The following CCL26 variants were observed in gnomAD, a reference collection of about 807,000 sequenced individuals.
The protein encoded by CCL26 is C-C motif chemokine ligand 26, also known as C-C motif chemokine 26.
CCL26 carries 10 observed loss-of-function variants against 10.7 expected under a neutral mutation model. That is an observed-to-expected ratio of 0.93 (90% CI 0.57 to 1.58). The LOEUF (loss-of-function observed/expected upper bound fraction) is 1.58. Among genes scored for constraint, CCL26 ranks in the 40% most tolerant of loss-of-function variants. The pLI, the probability that CCL26 is intolerant of heterozygous loss-of-function variation, is 0.00. For missense variants in CCL26, 116 were observed against 111.0 expected (o/e 1.05, Z -0.20); for synonymous variants, 43 against 41.4 (o/e 1.04, Z -0.15).
chr7:75,769,698 AT>A lies in CCL26; in HGVS notation c.279del (p.Gln93HisfsTer54), dbSNP rs1410601222. On this transcript the variant is annotated frameshift_variant, in exon 3 of 3. Transcript: ENST00000005180. LOFTEE classifies it high-confidence loss of function. Reference sequence around the variant, plus strand: ...CGGATGAAAATTCAGCTGAGTCACAATTGTTTCGGAGTTTTCAGTAAAGAAA... The same window carrying A: ...CGGATGAAAATTCAGCTGAGTCACAATGTTTCGGAGTTTTCAGTAAAGAAA... ...KYISLLKTPK[Q>X]L 4.4e-6 allele frequency: 7 copies of A among 1,605,750 alleles called. No homozygotes were observed. The highest frequency in any genetic ancestry group is 6.0e-6 in the Non-Finnish European group (7 of 1,172,498).
chr7:75,779,735 C>T (rs781787429), intron 1 of CCL26, among the ~76,000 whole-genome samples: 3 of 152,242 alleles, frequency 2.0e-5, no homozygotes, highest in Admixed American at 1.3e-4. Context: ...ACCGCAGTGA[C>T]GCCTGCCTTG....
rs1554528160 is a variant in CCL26 at position 75,772,006 on chromosome 7, A to T, written c.74-3T>A. 15 of 1,611,216 alleles carry T rather than the reference A, an allele frequency of 9.3e-6. No homozygotes were observed. In the South Asian group the frequency reaches 1.6e-4, roughly 18 times the overall value. ...GGTCTTGGATATGTCACTCCCACCT[A>T]AAAATCAGGGAGAGGAAGGGTTTGG... On this transcript the variant is annotated splice_polypyrimidine_tract_variant and splice_region_variant and intron_variant, in intron 1 of 2. Transcript: ENST00000005180.
intron 1 of CCL26, among the ~76,000 whole-genome samples, chr7:75,789,235 G>A (rs1043481989): frequency 3.3e-5 from 5 of 151,308 alleles, no homozygotes; most frequent in East Asian, 1.9e-4. Context: ...GCCAGCCACC[G>A]TGCCTGGCCT....
upstream of CCL26, among the ~76,000 whole-genome samples, chr7:75,773,403 G>T (rs1233095415): frequency 6.0e-5 from 9 of 150,062 alleles, no homozygotes; most frequent in South Asian, 6.4e-4. Flanking sequence ...CAGCCTGGGC[G>T]ACAGACCAAG....
intron 1 of CCL26, among the ~76,000 whole-genome samples, chr7:75,783,336 G>A (rs981787102): frequency 4.6e-5 from 7 of 152,054 alleles, no homozygotes; most frequent in East Asian, 1.9e-4. Context: ...GATAACCGCC[G>A]GCTTCACGAG....
intron 1 of CCL26, among the ~76,000 whole-genome samples, chr7:75,778,156 C>T (rs1364978306): frequency 6.6e-6 from 1 of 152,188 alleles, no homozygotes; most frequent in Admixed American, 6.5e-5. Context: ...AATTTACATT[C>T]CCACCAACAG....
chr7:75,785,154 C>G (rs1466017544), intron 1 of CCL26, among the ~76,000 whole-genome samples: 1 of 152,110 alleles, frequency 6.6e-6, no homozygotes, highest in African/African-American at 2.4e-5. Context: ...CCACAACTCA[C>G]TATTTTGTTC....
intron 1 of CCL26, among the ~76,000 whole-genome samples, chr7:75,787,883 T>A (rs937986069): frequency 1.3e-5 from 2 of 152,038 alleles, no homozygotes; most frequent in Non-Finnish European, 2.9e-5. Context: ...GTCTTTCGTT[T>A]AGTTTCTCAA....
chr7:75,770,458 C>G (rs1412111293), intron 2 of CCL26, among the ~76,000 whole-genome samples: 4 of 148,254 alleles, frequency 2.7e-5, no homozygotes, highest in African/African-American at 7.5e-5. Context: ...CTCGGCTCAC[C>G]ACAACCTCTG....
intron 1 of CCL26, among the ~76,000 whole-genome samples, chr7:75,783,863 C>T (rs1279956878): frequency 6.6e-6 from 1 of 152,026 alleles, no homozygotes; most frequent in Non-Finnish European, 1.5e-5. Context: ...AGCAGCAACT[C>T]TGAGATGCTT....
At chr7:75,787,350 G>A (rs1803217404) in intron 1 of CCL26, among the ~76,000 whole-genome samples, 1 of 152,014 alleles carries the variant, frequency 6.6e-6, no homozygotes, top group Non-Finnish European at 1.5e-5. Context: ...GTTTTTTAAA[G>A]ACACACCTCA....
At chr7:75,785,519 C>T (rs1255268377) in intron 1 of CCL26, among the ~76,000 whole-genome samples, 5 of 152,282 alleles carry the variant, frequency 3.3e-5, no homozygotes, top group South Asian at 4.1e-4. Context: ...TTACCTACCT[C>T]GGCATAATTC....
intron 1 of CCL26, among the ~76,000 whole-genome samples, chr7:75,780,174 C>A (rs1400942230): frequency 6.7e-6 from 1 of 148,910 alleles, no homozygotes; most frequent in Non-Finnish European, 1.5e-5. Flanking sequence ...CTTCCCACCC[C>A]TTTTTCCACT....
chr7:75,777,389 A>G (rs1334149462), intron 1 of CCL26, among the ~76,000 whole-genome samples: 3 of 152,184 alleles, frequency 2.0e-5, no homozygotes, highest in African/African-American at 4.8e-5. Context: ...ACATAATACA[A>G]TACTATTCCG....
In CCL26 at chr7:75,769,564, C is replaced by T. The variant is rs1042850832; in HGVS notation, c.*129G>A. 4 of 592,314 alleles carry T rather than the reference C, an allele frequency of 6.8e-6. No homozygotes were observed. In the Admixed American group the frequency reaches 8.9e-5, roughly 13 times the overall value. 36.7% of individuals were successfully genotyped at this position (592,314 alleles called of 1,614,324 possible). On this transcript the variant is annotated 3_prime_UTR_variant, in exon 3 of 3. Coordinates refer to ENST00000005180, the MANE Select transcript of CCL26 (RefSeq NM_001371938.1). ...CTATGAACAACCTTTATTAAAGTAA[C>T]TCTGGGAGGAAACACCCTCTCCTCC... is the stretch of plus-strand genomic sequence containing the variant.
At chr7:75,780,395 T>C (rs1291481125) in intron 1 of CCL26, among the ~76,000 whole-genome samples, 8 of 152,112 alleles carry the variant, frequency 5.3e-5, no homozygotes, top group Non-Finnish European at 8.8e-5. Flanking sequence ...CATTCCTCTC[T>C]CTTCTCCCTT....
Position 75,769,780 on chromosome 7 carries a change from G to T in CCL26, c.198C>A (p.Thr66=). 1 of 1,601,920 alleles carries T rather than the reference G, an allele frequency of 6.2e-7. No individual in the cohort carries two copies. Among genetic ancestry groups the T allele is most frequent in the Non-Finnish European group, 8.6e-7 (1 of 1,168,972 alleles). Residue 66 remains threonine, a synonymous_variant, in exon 3 of 3, where the codon ACC becomes ACA. Transcript: ENST00000005180. ...SCSQRAVIFT[T]KRGKKVCTHP... is the part of the protein sequence containing the mutation. ...GGGTACAGACTTTCTTGCCTCTTTT[G>T]GTAGTGAATCTGTGAAAAAGAGACA...
At chr7:75,774,788 T>C (rs537333469), upstream of CCL26, among the ~76,000 whole-genome samples, 293 of 152,024 alleles carry the variant, frequency 1.9e-3, 1 homozygote, top group African/African-American at 6.8e-3. Context: ...TATGGTGGCA[T>C]GTGCACCTGT....
chr7:75,789,445 C>T (rs1490108667), intron 1 of CCL26, among the ~76,000 whole-genome samples: 16 of 143,870 alleles, frequency 1.1e-4, no homozygotes, highest in Non-Finnish European at 2.4e-4. Flanking sequence ...CTGGGAACAT[C>T]CATTTCTCTT....
Sources: allele counts gnomAD v4.1 joint callset (sites outside exome capture counted in the v4.1 genomes callset), GRCh38; gene constraint gnomAD v4.1.1; transcripts MANE v1.5; gene names NCBI Gene and HGNC (gene_info 2026-07-23, HGNC 2026-07-21).